Variants in DNAH10 observed in about 807,000 individuals in gnomAD.
DNAH10 encodes dynein axonemal heavy chain 10, also known as axonemal beta dynein heavy chain 10.
DNAH10 carries 348 observed loss-of-function variants against 506.6 expected under a neutral mutation model. The observed-to-expected ratio is 0.69, with a 90% CI of 0.63 to 0.75. The LOEUF is 0.75. Ranked by LOEUF, DNAH10 falls within the 30% of genes least tolerant of loss-of-function variation. DNAH10 has a pLI of 0.00. For synonymous variants in DNAH10, 2,059 were observed against 2,198.6 expected (o/e 0.94, Z 1.78); for missense variants, 5,179 against 5,787.1 (o/e 0.89, Z 3.41).
intron 39 of DNAH10, among the ~76,000 whole-genome samples, chr12:123,861,527 G>T (rs1483216472): frequency 1.3e-5 from 2 of 152,216 alleles, no homozygotes; most frequent in Non-Finnish European, 2.9e-5. Flanking sequence ...TGATCACCAC[G>T]TTCTATGGCA....
Position 123,793,957 on chromosome 12 carries a change from G to A in DNAH10, c.1831G>A (p.Ala611Thr), listed in dbSNP as rs1223451972. ...KIEVLVIEKEAKHFIDESFKT... is the reference protein window; with the variant it reads ...KIEVLVIEKETKHFIDESFKT... ...TTTTTTGCAGGTTATTGAGAAAGAA[G>A]CAAAACATTTTATTGATGAATCTTT... The change falls in exon 12 of 79, where the codon GCA becomes ACA. Residue 611 changes from alanine (A) to threonine (T), a missense_variant. Ala to Thr is a moderately conservative substitution (Grantham distance 58). Coordinates refer to ENST00000673944, the MANE Select transcript of DNAH10 (RefSeq NM_001372106.1). The A allele has an allele frequency of 1.4e-5, 18 of 1,247,584 alleles. No individual in the cohort carries two copies. Among genetic ancestry groups the A allele is most frequent in the Non-Finnish European group, 1.9e-5 (18 of 962,454 alleles). The allele number at this position is 1,247,584 out of a possible 1,614,324, so 77.3% of individuals were successfully genotyped here.
At chr12:123,848,457 G>A (rs1594185333) in intron 33 of DNAH10, among the ~76,000 whole-genome samples, 2 of 152,272 alleles carry the variant, frequency 1.3e-5, no homozygotes, top group Non-Finnish European at 1.5e-5. Context: ...AGTGGACCCA[G>A]CATTGCTAGA....
Position 123,804,862 on chromosome 12 carries a change from C to A in DNAH10, c.2809C>A (p.Arg937=), listed in dbSNP as rs772182400. The A allele has an allele frequency of 5.6e-6, 9 of 1,612,084 alleles. No homozygotes were observed. Among genetic ancestry groups the A allele is most frequent in the Non-Finnish European group, 7.6e-6 (9 of 1,179,570 alleles). ...GVKEFFEHIE[R]ERASDVDHMV... is the part of the protein sequence containing the mutation. ...GAAGGAATTTTTTGAACACATTGAG[C>A]GAGAAAGGGCCAGCGACGTGGACCA... The change falls in exon 18 of 79, where the codon CGA becomes AGA. Residue 937 remains arginine, a synonymous_variant. Coordinates refer to ENST00000673944, the MANE Select transcript of DNAH10 (RefSeq NM_001372106.1).
At chr12:123,790,464 GTT>G (rs1958036636) in intron 11 of DNAH10, among the ~76,000 whole-genome samples, 1 of 152,136 alleles carries the variant, frequency 6.6e-6, no homozygotes, top group Non-Finnish European at 1.5e-5. Context: ...CGCCCTGTGA[GTT>G]TTTGAGAATT....
At position 123,933,364 on chromosome 12, in the gene DNAH10, T is replaced by C; in HGVS notation, c.13330T>C (p.Ser4444Pro). The change falls in exon 77 of 79, where the codon TCG becomes CCG. Residue 4444 changes from serine (S) to proline (P), a missense_variant. Ser to Pro is a moderately conservative substitution (Grantham distance 74). Coordinates refer to ENST00000673944, the MANE Select transcript of DNAH10 (RefSeq NM_001372106.1). ...GAGCGAGCCCAGCGTGATGTGGCTC[T>C]CGGGGCTGCACATCCCTGAGTCCTA... ...TESEPSVMWL[S>P]GLHIPESYLT... 1 of 1,604,312 alleles carries C rather than the reference T, an allele frequency of 6.2e-7. No individual in the cohort carries two copies. The highest frequency in any genetic ancestry group is 8.5e-7 in the Non-Finnish European group (1 of 1,176,144).
intron 56 of DNAH10, among the ~76,000 whole-genome samples, chr12:123,899,230 G>C (rs529868707): frequency 6.6e-6 from 1 of 151,992 alleles, no homozygotes; most frequent in Non-Finnish European, 1.5e-5. Flanking sequence ...CCCTTCCCTC[G>C]GTCTTCTTGG....
chr12:123,763,989 C>T (rs1467772391), intron 1 of DNAH10, among the ~76,000 whole-genome samples: 1 of 151,922 alleles, frequency 6.6e-6, no homozygotes, highest in East Asian at 1.9e-4. Flanking sequence ...ACTCAGCCTC[C>T]CAAGTAGCTG....
intron 11 of DNAH10, among the ~76,000 whole-genome samples, chr12:123,793,003 C>T (rs903089908): frequency 6.6e-6 from 1 of 152,128 alleles, no homozygotes; most frequent in Non-Finnish European, 1.5e-5. Flanking sequence ...GGTTGAAAAT[C>T]ACCTTTCTTT....
Position 123,785,613 on chromosome 12 carries a change from T to A in DNAH10, c.1231-133T>A. On this transcript the variant is annotated intron_variant, in intron 8 of 78. Coordinates refer to ENST00000673944, the MANE Select transcript of DNAH10 (RefSeq NM_001372106.1). This position sits in a 1 kb window ranked among gnomAD's most constrained non-coding sequence, Gnocchi z 4.1. Reference sequence around the variant, plus strand: ...ATGTTTGTGCCATTGCACTCCAGCCTGGGCACCAGACTTGGTCTCAAGGAA... The same window carrying A: ...ATGTTTGTGCCATTGCACTCCAGCCAGGGCACCAGACTTGGTCTCAAGGAA... 3.6e-6 allele frequency: 3 copies of A among 841,370 alleles called. No homozygotes were observed. Among genetic ancestry groups the A allele is most frequent in the Non-Finnish European group, 5.1e-6 (3 of 585,886 alleles). 52.1% of individuals were successfully genotyped at this position (841,370 alleles called of 1,614,324 possible).
intron 4 of DNAH10, among the ~76,000 whole-genome samples, chr12:123,773,584 T>G (rs1957334270): frequency 6.6e-6 from 1 of 152,204 alleles, no homozygotes; most frequent in Admixed American, 6.5e-5. Context: ...TGCTGGCAGA[T>G]CTGGCATCTG....
chr12:123,777,981 T>G (rs1388374225), intron 5 of DNAH10, among the ~76,000 whole-genome samples: 4 of 152,160 alleles, frequency 2.6e-5, no homozygotes, highest in Non-Finnish European at 5.9e-5. Flanking sequence ...TACCTTCTTA[T>G]GCAAACTGAA....
At chr12:123,818,776 C>A (rs1959188649) in intron 21 of DNAH10, among the ~76,000 whole-genome samples, 174 bp from the exon 22 acceptor site, 1 of 152,162 alleles carries the variant, frequency 6.6e-6, no homozygotes, top group African/African-American at 2.4e-5. Context: ...GCCATGTAAT[C>A]CCAGTCTGGC....
At chr12:123,767,312 G>A (rs192824451) in intron 1 of DNAH10, among the ~76,000 whole-genome samples, 2 of 152,304 alleles carry the variant, frequency 1.3e-5, no homozygotes, top group East Asian at 3.9e-4. Context: ...ATAGTGTTGT[G>A]CACCCAGGAG....
At chr12:123,891,072 C>T (rs992537214) in intron 52 of DNAH10, among the ~76,000 whole-genome samples, 4 of 152,128 alleles carry the variant, frequency 2.6e-5, no homozygotes, top group African/African-American at 7.2e-5. Flanking sequence ...CCCAAGATCA[C>T]GGTGTCGGCA....
chr12:123,768,519 A>G (rs1393014850), intron 2 of DNAH10, among the ~76,000 whole-genome samples: 2 of 152,170 alleles, frequency 1.3e-5, no homozygotes, highest in Non-Finnish European at 2.9e-5. Context: ...TACTAATTAC[A>G]TCTGCAAAGA....
rs1957311779 is a variant in DNAH10 at position 123,772,962 on chromosome 12, G to A, written c.505+20G>A. 6.5e-7 allele frequency: 1 copy of A among 1,541,648 alleles called. No homozygotes were observed. Among genetic ancestry groups the A allele is most frequent in the Admixed American group, 1.7e-5 (1 of 57,660 alleles). On this transcript the variant is annotated intron_variant, in intron 4 of 78. Coordinates refer to ENST00000673944, the MANE Select transcript of DNAH10 (RefSeq NM_001372106.1). ...CCAAAGGTACATTTCTGGCACGTGT[G>A]TGTGTATGTGTGTTGAGGGGGTGTG...
chr12:123,787,797 TTCGCAGAGAAAA>T lies in DNAH10; in HGVS notation c.1422-3_1430del. The T allele has an allele frequency of 6.2e-7, 1 of 1,612,530 alleles. No homozygotes were observed. ...TCCTCCCATCACGGCATCTCTTGGC[TTCGCAGAGAAAA>T]TCGAGCGAGTGCCCAAAGCAAAACC... On this transcript the variant is annotated splice_acceptor_variant and splice_polypyrimidine_tract_variant and coding_sequence_variant and intron_variant, in exon 10 of 79. Transcript: ENST00000673944. LOFTEE classifies it high-confidence loss of function. This position sits in a 1 kb window ranked among gnomAD's most constrained non-coding sequence, Gnocchi z 4.6.
At position 123,835,538 on chromosome 12, in the gene DNAH10, T is replaced by G. The variant is rs1349505037; in HGVS notation, c.4902+10T>G. 2 of 1,604,158 alleles carry G rather than the reference T, an allele frequency of 1.2e-6. No individual in the cohort carries two copies. The highest frequency in any genetic ancestry group is 1.7e-6 in the Non-Finnish European group (2 of 1,175,222). ...TAAAGTATTTAAAAGGGCAAGTGACTCGCTTCTATTTTAGTAATGAAAGAA... is the reference window on the plus strand; with the variant it reads ...TAAAGTATTTAAAAGGGCAAGTGACGCGCTTCTATTTTAGTAATGAAAGAA... On this transcript the variant is annotated intron_variant, in intron 28 of 78. Transcript: ENST00000673944.
intron 7 of DNAH10, 121 bp downstream of exon 7, chr12:123,783,385 T>A: frequency 8.2e-7 from 1 of 1,214,096 alleles, no homozygotes. Flanking sequence ...ATGACTTCCT[T>A]AAGCCATCAA....
Sources: gnomAD v4.1 joint callset for allele counts (sites outside exome capture counted in the v4.1 genomes callset) on GRCh38, gnomAD v4.1.1 for gene constraint, Gnocchi (gnomAD v3.1) non-coding constraint, MANE v1.5 for transcripts, NCBI Gene and HGNC (gene_info 2026-07-23, HGNC 2026-07-21) for gene names.